RABL3: variants seen among roughly 807,000 people sequenced by gnomAD.
RABL3 encodes RAB, member of RAS oncogene family like 3.
RABL3 carries 31 observed loss-of-function variants against 31.8 expected under a neutral mutation model. That is an observed-to-expected ratio of 0.97 (90% CI 0.73 to 1.31). RABL3 has a LOEUF of 1.31. Ranked by LOEUF, RABL3 falls within the 40% of genes most tolerant of loss-of-function variation. RABL3 has a pLI of 0.00. For missense variants in RABL3, 263 were observed against 279.6 expected, an observed-to-expected ratio of 0.94 and a Z score of 0.42; for synonymous variants, 97 against 99.9, an observed-to-expected ratio of 0.97 and a Z score of 0.18.
At chr3:120,735,841 G>A (rs1209699962) in intron 1 of RABL3, among the ~76,000 whole-genome samples, 2 of 152,074 alleles carry the variant, frequency 1.3e-5, no homozygotes, top group Non-Finnish European at 2.9e-5. Context: ...CAGTTTCCAT[G>A]CAGTTGAGCG....
rs1708306313 is a variant in RABL3 at position 120,686,277 on chromosome 3, C to T, written c.*3546G>A. Among the ~76,000 whole-genome samples, 1 of 152,164 alleles carries T rather than the reference C, an allele frequency of 6.6e-6. No individual in the cohort carries two copies. The highest frequency in any genetic ancestry group is 1.5e-5 in the Non-Finnish European group (1 of 68,028). On this transcript the variant is annotated 3_prime_UTR_variant, in exon 8 of 8. Coordinates refer to ENST00000273375, the MANE Select transcript of RABL3 (RefSeq NM_173825.5). ...GCAGACACCCTGTTAGACCTTTAAA[C>T]TTCTTAAAATATGATGTCACCTGTG...
chr3:120,716,582 T>C (rs1446562749), intron 2 of RABL3, among the ~76,000 whole-genome samples: 1 of 151,772 alleles, frequency 6.6e-6, no homozygotes, highest in Non-Finnish European at 1.5e-5. Flanking sequence ...AACCTGCACA[T>C]TGTGCACATG....
At chr3:120,740,310 A>G (rs1366145562) in intron 1 of RABL3, among the ~76,000 whole-genome samples, 1 of 152,120 alleles carries the variant, frequency 6.6e-6, no homozygotes, top group Non-Finnish European at 1.5e-5. Flanking sequence ...CACCCAGGCT[A>G]GAGTGCAGTG....
At chr3:120,715,884 T>C (rs1360209611) in intron 2 of RABL3, among the ~76,000 whole-genome samples, 1 of 152,162 alleles carries the variant, frequency 6.6e-6, no homozygotes, top group African/African-American at 2.4e-5. Flanking sequence ...AGTGCCTCTG[T>C]GCTTCAATTG....
chr3:120,704,417 G>T (rs1708525791), intron 4 of RABL3, among the ~76,000 whole-genome samples: 1 of 152,122 alleles, frequency 6.6e-6, no homozygotes, highest in African/African-American at 2.4e-5. Context: ...AGAAAGAAAT[G>T]TTCTCAACCT....
intron 3 of RABL3, among the ~76,000 whole-genome samples, chr3:120,706,322 C>A (rs909063069): frequency 6.6e-6 from 1 of 152,046 alleles, no homozygotes; most frequent in Non-Finnish European, 1.5e-5. Flanking sequence ...AGTTTTATAA[C>A]TCTTTATTTT....
intron 1 of RABL3, among the ~76,000 whole-genome samples, chr3:120,736,306 CTTT>C (rs1708962645): frequency 1.3e-5 from 2 of 152,144 alleles, no homozygotes; most frequent in African/African-American, 4.8e-5. Context: ...TAATGGCCTT[CTTT>C]GTCTCTTTTG....
chr3:120,732,249 C>T (rs1300472317), intron 1 of RABL3, among the ~76,000 whole-genome samples: 1 of 152,198 alleles, frequency 6.6e-6, no homozygotes, highest in Non-Finnish European at 1.5e-5. Context: ...CCTTCCCTCA[C>T]CCATTGGCCT....
intron 2 of RABL3, among the ~76,000 whole-genome samples, chr3:120,722,955 A>G (rs1708766471): frequency 2.0e-5 from 3 of 152,218 alleles, no homozygotes; most frequent in Admixed American, 2.0e-4. Context: ...ATCAGAGCAG[A>G]ACTGAAGGAA....
chr3:120,692,200 T>C (rs933460748), intron 6 of RABL3, among the ~76,000 whole-genome samples: 5 of 150,766 alleles, frequency 3.3e-5, no homozygotes, highest in Non-Finnish European at 5.9e-5. Flanking sequence ...GAAGAAATCT[T>C]TTTTTTTTGT....
intron 2 of RABL3, among the ~76,000 whole-genome samples, chr3:120,712,481 A>C (rs929374737): frequency 2.6e-5 from 4 of 152,186 alleles, no homozygotes; most frequent in Non-Finnish European, 4.4e-5. Context: ...AGGTCTTATA[A>C]AGAGTAAGTT....
intron 2 of RABL3, 135 bp downstream of exon 2, chr3:120,730,561 C>G: frequency 1.6e-6 from 1 of 619,864 alleles, no homozygotes. Flanking sequence ...GGCATAGTAC[C>G]TGGCACATAG....
At chr3:120,699,109 A>C (rs1708468643) in intron 4 of RABL3, among the ~76,000 whole-genome samples, 1 of 152,256 alleles carries the variant, frequency 6.6e-6, no homozygotes, top group Non-Finnish European at 1.5e-5. Context: ...TAAAGAAATA[A>C]GAAGAATAAG....
intron 2 of RABL3, among the ~76,000 whole-genome samples, chr3:120,715,977 GGA>G: frequency 6.6e-6 from 1 of 152,176 alleles, no homozygotes; most frequent in Non-Finnish European, 1.5e-5. Flanking sequence ...GTATGTAAAT[GGA>G]TGCCTAGCCA....
At chr3:120,738,927 C>T (rs1340988991) in intron 1 of RABL3, among the ~76,000 whole-genome samples, 1 of 152,120 alleles carries the variant, frequency 6.6e-6, no homozygotes, top group East Asian at 1.9e-4. Context: ...AAACTCAGTA[C>T]TTAAAAGGAA....
intron 1 of RABL3, among the ~76,000 whole-genome samples, chr3:120,735,426 C>T (rs1184376461): frequency 6.9e-6 from 1 of 145,786 alleles, no homozygotes; most frequent in African/African-American, 2.4e-5. Flanking sequence ...CTGTTTGATT[C>T]TTCTGTCTTG....
intron 6 of RABL3, 66 bp from the exon 7 acceptor site, chr3:120,690,553 C>G: frequency 1.9e-6 from 2 of 1,059,416 alleles, no homozygotes; most frequent in Non-Finnish European, 2.9e-6. Flanking sequence ...ACTGCAACGA[C>G]CACTAATGGT....
At chr3:120,694,087 C>T (rs1708409237) in intron 6 of RABL3, 66 bp downstream of exon 6, 2 of 1,055,088 alleles carry the variant, frequency 1.9e-6, no homozygotes, top group African/African-American at 1.6e-5. Flanking sequence ...TAGGATTCTA[C>T]AAAAAAATTT....
chr3:120,707,661 C>G (rs1455322096), intron 3 of RABL3, among the ~76,000 whole-genome samples: 1 of 152,020 alleles, frequency 6.6e-6, no homozygotes, highest in Admixed American at 6.6e-5. Flanking sequence ...TTCTCCCTTT[C>G]CTTTTCCCCA....
Sources: gnomAD v4.1 joint callset for allele counts (sites outside exome capture counted in the v4.1 genomes callset) on GRCh38, gnomAD v4.1.1 for gene constraint, MANE v1.5 for transcripts, NCBI Gene and HGNC (gene_info 2026-07-23, HGNC 2026-07-21) for gene names.